The following TNIK variants were observed in gnomAD, a reference collection of about 807,000 sequenced individuals.
The protein encoded by TNIK is TRAF2 and NCK interacting kinase.
A neutral mutation model predicts 191.3 loss-of-function variants in TNIK; 49 were observed. The observed-to-expected ratio is 0.26, with a 90% CI of 0.20 to 0.32. The LOEUF (loss-of-function observed/expected upper bound fraction) is 0.32. Among genes scored for constraint, TNIK ranks in the 10% least tolerant of loss-of-function variants. TNIK has a pLI of 1.00. For synonymous variants in TNIK, 594 were observed against 600.9 expected (o/e 0.99, Z 0.17); for missense variants, 1,155 against 1,702.3 (o/e 0.68, Z 5.66).
chr3:171,414,512 C>G (rs1722805676), intron 1 of TNIK, among the ~76,000 whole-genome samples: 1 of 152,194 alleles, frequency 6.6e-6, no homozygotes, highest in African/African-American at 2.4e-5. Context: ...CACGTTCATA[C>G]ACATCCTTCA....
chr3:171,200,659 T>C (rs1185630381), intron 4 of TNIK, among the ~76,000 whole-genome samples: 1 of 152,212 alleles, frequency 6.6e-6, no homozygotes, highest in Non-Finnish European at 1.5e-5. Flanking sequence ...CTTGAGGTTA[T>C]CTCTTCACAA....
chr3:171,252,081 C>A (rs13340191), intron 2 of TNIK, among the ~76,000 whole-genome samples: 2 of 150,236 alleles, frequency 1.3e-5, no homozygotes, highest in Non-Finnish European at 3.0e-5. Flanking sequence ...TGTGTGTGTG[C>A]GTGTGTGTGT....
intron 1 of TNIK, among the ~76,000 whole-genome samples, chr3:171,415,832 T>C (rs1238506612): frequency 6.6e-6 from 1 of 150,864 alleles, no homozygotes; most frequent in East Asian, 1.9e-4. Flanking sequence ...AATACAAAAA[T>C]TAGCCAGGCG....
At chr3:171,073,083 A>G (rs1034558990) in intron 28 of TNIK, among the ~76,000 whole-genome samples, 5 of 152,164 alleles carry the variant, frequency 3.3e-5, no homozygotes, top group African/African-American at 1.2e-4. Flanking sequence ...AAAGAGCCCA[A>G]ATAGCCAAAG....
At chr3:171,164,752 G>A (rs1173585192) in intron 10 of TNIK, among the ~76,000 whole-genome samples, 11 of 152,234 alleles carry the variant, frequency 7.2e-5, no homozygotes, top group Admixed American at 5.9e-4. Context: ...ACTTCATGGA[G>A]TAGCCCAAGA....
chr3:171,096,985 C>T (rs1158980899), intron 22 of TNIK, among the ~76,000 whole-genome samples: 1 of 152,038 alleles, frequency 6.6e-6, no homozygotes, highest in Non-Finnish European at 1.5e-5. Flanking sequence ...TTAAGTTTTA[C>T]AATTTTATGA....
At chr3:171,183,916 C>T (rs1298336133) in intron 7 of TNIK, among the ~76,000 whole-genome samples, 3 of 110,162 alleles carry the variant, frequency 2.7e-5, no homozygotes, top group Admixed American at 9.9e-5. Context: ...AGGTAGACTC[C>T]GTCTTAAAAA....
chr3:171,341,450 C>T (rs547958708), intron 2 of TNIK, among the ~76,000 whole-genome samples: 28 of 122,664 alleles, frequency 2.3e-4, no homozygotes, highest in East Asian at 1.8e-3. Flanking sequence ...CCAGCCTGGC[C>T]GACAGAGCGA....
chr3:171,211,354 G>A (rs1439398237), intron 3 of TNIK, 113 bp from the exon 4 acceptor site: 3 of 1,238,762 alleles, frequency 2.4e-6, no homozygotes, highest in Non-Finnish European at 2.2e-6. Context: ...GTTGACAAAT[G>A]AGCATAATTA....
chr3:171,180,310 CT>C (rs1440407329), intron 7 of TNIK, among the ~76,000 whole-genome samples: 4 of 152,162 alleles, frequency 2.6e-5, no homozygotes, highest in African/African-American at 9.7e-5. Context: ...ACGAGGACCC[CT>C]GGGACCTCCC....
At chr3:171,173,206 A>G (rs531775983) in intron 9 of TNIK, among the ~76,000 whole-genome samples, 38 of 147,512 alleles carry the variant, frequency 2.6e-4, no homozygotes, top group African/African-American at 8.5e-4. Context: ...AACACGGTGA[A>G]ACCCTGTCTC....
chr3:171,182,134 T>C (rs1353937671), intron 7 of TNIK, among the ~76,000 whole-genome samples: 2 of 151,468 alleles, frequency 1.3e-5, no homozygotes, highest in African/African-American at 4.8e-5. Context: ...ATTCTGCTGC[T>C]TCCTTAAGCC....
At chr3:171,128,136 A>G (rs1728736121) in intron 16 of TNIK, among the ~76,000 whole-genome samples, 1 of 152,216 alleles carries the variant, frequency 6.6e-6, no homozygotes, top group South Asian at 2.1e-4. Context: ...GTTAAATCAC[A>G]GACTGCCAGG....
chr3:171,184,190 G>A (rs1577063319), intron 7 of TNIK, among the ~76,000 whole-genome samples: 1 of 152,088 alleles, frequency 6.6e-6, no homozygotes. Context: ...AGTCTAAACT[G>A]GTCCTGTCTG....
chr3:171,267,508 A>G lies in TNIK; in HGVS notation c.124-39287T>C, dbSNP rs370457630. ...CCTTCTCTCCATTGGCTACATGTTCATAAGCTGAATGTTCCAGTCATGGGA... is the reference window on the plus strand; with the variant it reads ...CCTTCTCTCCATTGGCTACATGTTCGTAAGCTGAATGTTCCAGTCATGGGA... On this transcript the variant is annotated intron_variant, in intron 2 of 32. Coordinates refer to ENST00000436636, the MANE Select transcript of TNIK (RefSeq NM_015028.4). 7.2e-4 allele frequency among the ~76,000 whole-genome samples: 110 copies of G among 152,376 alleles called. 1 individual carries two copies. The South Asian group carries it at 0.021, about 29-fold the overall frequency.
At chr3:171,356,619 T>A (rs1239867772) in intron 2 of TNIK, among the ~76,000 whole-genome samples, 1 of 152,152 alleles carries the variant, frequency 6.6e-6, no homozygotes, top group Non-Finnish European at 1.5e-5. Context: ...AAAACCAATC[T>A]TTGCCAAACA....
chr3:171,335,560 C>T (rs1756874507), intron 2 of TNIK, among the ~76,000 whole-genome samples: 1 of 152,208 alleles, frequency 6.6e-6, no homozygotes, highest in Non-Finnish European at 1.5e-5. Context: ...CTTAGCATAA[C>T]AATTTTGGGA....
intron 3 of TNIK, 145 bp downstream of exon 3, chr3:171,228,020 T>C: frequency 2.2e-6 from 2 of 897,226 alleles, no homozygotes; most frequent in East Asian, 5.2e-5. Context: ...TAGGCTAAGC[T>C]ATGATGTTCA....
chr3:171,226,267 AG>A (rs1418100181), intron 3 of TNIK, among the ~76,000 whole-genome samples: 1 of 152,190 alleles, frequency 6.6e-6, no homozygotes, highest in African/African-American at 2.4e-5. Flanking sequence ...GTATGGAAGT[AG>A]AAAATATTTC....
Sources: gnomAD v4.1 joint callset for allele counts (sites outside exome capture counted in the v4.1 genomes callset) on GRCh38, gnomAD v4.1.1 for gene constraint, MANE v1.5 for transcripts, NCBI Gene and HGNC (gene_info 2026-07-23, HGNC 2026-07-21) for gene names.